KCNQ5: variants seen among roughly 807,000 people sequenced by gnomAD.
The protein encoded by KCNQ5 is potassium voltage-gated channel subfamily Q member 5.
In KCNQ5, 30 loss-of-function variants were observed where a neutral mutation model predicts 98.2. That is an observed-to-expected ratio of 0.31 (90% CI 0.23 to 0.41). The LOEUF (loss-of-function observed/expected upper bound fraction) is 0.41, where lower values mean the gene tolerates loss of function less well. Ranked by LOEUF, KCNQ5 falls within the 10% of genes least tolerant of loss-of-function variation. The probability of loss-of-function intolerance (pLI) is 1.00; values close to 1 mark genes in which losing one functional copy is unlikely to be tolerated. For synonymous variants in KCNQ5, 458 were observed against 449.4 expected (o/e 1.02, Z -0.24); for missense variants, 835 against 1,182.5 (o/e 0.71, Z 4.31).
intron 7 of KCNQ5, among the ~76,000 whole-genome samples, chr6:73,112,308 T>C (rs964050230): frequency 5.3e-5 from 8 of 151,906 alleles, no homozygotes; most frequent in African/African-American, 1.5e-4. Context: ...GGGCACACTG[T>C]TTTGTTGCTG....
At chr6:72,843,513 T>C (rs1776892547) in intron 1 of KCNQ5, among the ~76,000 whole-genome samples, 1 of 152,214 alleles carries the variant, frequency 6.6e-6, no homozygotes, top group Admixed American at 6.5e-5. Flanking sequence ...TTTCCAATTC[T>C]GTGAAGAAAG....
In KCNQ5 at chr6:73,192,668, C is replaced by A. The variant is rs1377270622; in HGVS notation, c.1813C>A (p.Arg605=). 1.3e-6 allele frequency: 2 copies of A among 1,598,374 alleles called. No individual in the cohort carries two copies. The highest frequency in any genetic ancestry group is 1.7e-6 in the Non-Finnish European group (2 of 1,172,668). Residue 605 remains arginine, a synonymous_variant, in exon 13 of 14, where the codon CGG becomes AGG. Coordinates refer to ENST00000370398, the MANE Select transcript of KCNQ5 (RefSeq NM_019842.4). ...CACAGACGATCTCAGTATGCTCGGT[C>A]GGGTGGTCAAGGTTGAAAAACAGGT... is the stretch of plus-strand genomic sequence containing the variant. ...ETTDDLSMLG[R]VVKVEKQVQS...
intron 1 of KCNQ5, among the ~76,000 whole-genome samples, chr6:72,654,177 A>G (rs1766023138): frequency 6.6e-6 from 1 of 152,010 alleles, no homozygotes; most frequent in Non-Finnish European, 1.5e-5. Context: ...ACCATATGGT[A>G]TCAGAATTGG....
chr6:73,017,208 C>T (rs1448319372), intron 2 of KCNQ5, among the ~76,000 whole-genome samples: 1 of 152,070 alleles, frequency 6.6e-6, no homozygotes, highest in African/African-American at 2.4e-5. Context: ...TTTTCTACAA[C>T]CTCTGACTGA....
rs1030909897 is a variant in KCNQ5 at position 72,721,777 on chromosome 6, T to A, written c.398+99190T>A. ...TTACTTTAATCATGCTACTTCCCTG[T>A]TTTCTCACTTGTCTTCAATTGGCCA... On this transcript the variant is annotated intron_variant, in intron 1 of 13. Transcript: ENST00000370398. Among the ~76,000 whole-genome samples, 4 of 152,208 alleles carry A rather than the reference T, an allele frequency of 2.6e-5. No homozygotes were observed. The East Asian group carries it at 7.7e-4, about 29-fold the overall frequency.
intron 1 of KCNQ5, among the ~76,000 whole-genome samples, chr6:72,821,935 C>T (rs993270070): frequency 5.3e-5 from 8 of 152,078 alleles, no homozygotes; most frequent in Non-Finnish European, 1.2e-4. Flanking sequence ...GGAGTTCGAT[C>T]TCTGCATTAG....
At chr6:72,899,685 G>T (rs1003296515) in intron 1 of KCNQ5, among the ~76,000 whole-genome samples, 16 of 151,958 alleles carry the variant, frequency 1.1e-4, no homozygotes, top group Non-Finnish European at 1.2e-4. Flanking sequence ...TAGGGGTACA[G>T]GTGGTGTTTG....
intron 2 of KCNQ5, among the ~76,000 whole-genome samples, chr6:73,028,439 A>G (rs1421154062): frequency 6.6e-6 from 1 of 152,198 alleles, no homozygotes; most frequent in Admixed American, 6.5e-5. Flanking sequence ...AGGAGAATCC[A>G]CTGCTGTGGG....
At chr6:72,646,705 G>C (rs1765612459) in intron 1 of KCNQ5, among the ~76,000 whole-genome samples, 1 of 152,178 alleles carries the variant, frequency 6.6e-6, no homozygotes. Flanking sequence ...TCTGTGATTG[G>C]TTTAATGTCA....
At chr6:72,630,552 A>G (rs1016779765) in intron 1 of KCNQ5, 1 of 152,230 alleles carries the variant, frequency 6.6e-6, no homozygotes, top group Non-Finnish European at 1.5e-5. Context: ...AGAATATGAC[A>G]GATTTAGATT....
intron 1 of KCNQ5, among the ~76,000 whole-genome samples, chr6:72,912,170 T>C (rs1034810152): frequency 4.6e-5 from 7 of 152,172 alleles, no homozygotes; most frequent in African/African-American, 1.2e-4. Flanking sequence ...CAAGCTTGGA[T>C]AGGATCCAGT....
At chr6:72,702,618 T>C (rs1768871418) in intron 1 of KCNQ5, among the ~76,000 whole-genome samples, 1 of 152,180 alleles carries the variant, frequency 6.6e-6, no homozygotes, top group Admixed American at 6.5e-5. Context: ...CTGAGGACTG[T>C]GAAGCATCAG....
chr6:72,875,587 G>A (rs1429123748), intron 1 of KCNQ5, among the ~76,000 whole-genome samples: 1 of 151,982 alleles, frequency 6.6e-6, no homozygotes, highest in African/African-American at 2.4e-5. Flanking sequence ...TTTCATTCTT[G>A]CTTTGTTTTA....
intron 1 of KCNQ5, among the ~76,000 whole-genome samples, chr6:72,698,613 A>G (rs2154474532): frequency 6.7e-6 from 1 of 149,002 alleles, no homozygotes; most frequent in South Asian, 2.2e-4. Flanking sequence ...TTCCATGATA[A>G]TTTGGAAGTA....
intron 1 of KCNQ5, among the ~76,000 whole-genome samples, chr6:72,980,651 TG>T (rs1365291861): frequency 1.3e-5 from 2 of 152,206 alleles, no homozygotes; most frequent in Non-Finnish European, 2.9e-5. Context: ...TTTTCCTAAT[TG>T]AATACCTTTT....
intron 1 of KCNQ5, among the ~76,000 whole-genome samples, chr6:72,681,243 C>T (rs1767691178): frequency 6.6e-6 from 1 of 152,164 alleles, no homozygotes; most frequent in African/African-American, 2.4e-5. Context: ...CGGGGGCTTG[C>T]TGTGTGATGA....
intron 10 of KCNQ5, among the ~76,000 whole-genome samples, chr6:73,159,552 A>G (rs1777527124): frequency 6.6e-6 from 1 of 152,246 alleles, no homozygotes; most frequent in South Asian, 2.1e-4. Flanking sequence ...ATAAAAATTA[A>G]TCCAATTTAT....
intron 1 of KCNQ5, among the ~76,000 whole-genome samples, chr6:72,979,570 ATATTAGCCCTTTGTTAGATGGG>A (rs1303997320): frequency 2.6e-5 from 4 of 151,998 alleles, no homozygotes; most frequent in Non-Finnish European, 1.5e-5. Flanking sequence ...TGGACTCTGG[ATATTAGCCCTTTGTTAGATGGG>A]TAGATTGCAA....
intron 1 of KCNQ5, among the ~76,000 whole-genome samples, chr6:72,848,873 T>G (rs1398643395): frequency 6.6e-6 from 1 of 152,168 alleles, no homozygotes; most frequent in Non-Finnish European, 1.5e-5. Context: ...CTTCCCCTTC[T>G]GCCATAATTG....
Sources: allele counts gnomAD v4.1 joint callset (sites outside exome capture counted in the v4.1 genomes callset), GRCh38; gene constraint gnomAD v4.1.1; transcripts MANE v1.5; gene names NCBI Gene and HGNC (gene_info 2026-07-23, HGNC 2026-07-21).